The following CTDSPL variants were observed in gnomAD, a reference collection of about 807,000 sequenced individuals.
CTDSPL encodes CTD small phosphatase like.
A neutral mutation model predicts 30.5 loss-of-function variants in CTDSPL; 8 were observed. The ratio of observed to expected loss-of-function variants is 0.26; its 90% CI spans 0.15 to 0.47. The LOEUF (loss-of-function observed/expected upper bound fraction) is 0.47. Among genes scored for constraint, CTDSPL ranks in the 20% least tolerant of loss-of-function variants. The probability of loss-of-function intolerance (pLI) is 0.99; values close to 1 mark genes in which losing one functional copy is unlikely to be tolerated. For synonymous variants in CTDSPL, 110 were observed against 137.9 expected (o/e 0.80, Z 1.42); for missense variants, 248 against 366.1 (o/e 0.68, Z 2.63).
intron 2 of CTDSPL, among the ~76,000 whole-genome samples, chr3:37,948,511 C>T (rs1699068853): frequency 6.6e-6 from 1 of 152,120 alleles, no homozygotes; most frequent in Non-Finnish European, 1.5e-5. Context: ...AGGACACAAA[C>T]AGGTAATTCA....
intron 4 of CTDSPL, among the ~76,000 whole-genome samples, chr3:37,967,356 G>A (rs553437020): frequency 6.6e-6 from 1 of 152,374 alleles, no homozygotes; most frequent in South Asian, 2.1e-4. Flanking sequence ...TTTTGAGTCC[G>A]TGTGGCCATC....
intron 5 of CTDSPL, chr3:37,969,324 G>A (rs1699336739): frequency 2.1e-6 from 1 of 475,588 alleles, no homozygotes; most frequent in Non-Finnish European, 4.4e-6. Context: ...AAGGTCCCAG[G>A]GCTGGGGTCA....
intron 1 of CTDSPL, among the ~76,000 whole-genome samples, chr3:37,932,890 C>T (rs568483495): frequency 6.0e-4 from 91 of 152,290 alleles, no homozygotes; most frequent in African/African-American, 1.8e-3. Flanking sequence ...CAGTGGCTCA[C>T]GCCTGTAATC....
At chr3:37,964,541 AT>A (rs768483176) in intron 3 of CTDSPL, 29 bp from the exon 4 acceptor site, 1 of 1,482,162 alleles carries the variant, frequency 6.7e-7, no homozygotes, top group South Asian at 1.1e-5. Context: ...TTTTACATAA[AT>A]GTAATACTGA....
intron 7 of CTDSPL, among the ~76,000 whole-genome samples, chr3:37,976,623 T>C (rs1575326400): frequency 6.8e-6 from 1 of 147,388 alleles, no homozygotes; most frequent in African/African-American, 2.5e-5. Context: ...AGATGGAGAC[T>C]CCGTCTCAAA....
chr3:37,951,582 G>A (rs1575314520), intron 2 of CTDSPL, among the ~76,000 whole-genome samples: 6 of 152,226 alleles, frequency 3.9e-5, no homozygotes, highest in Admixed American at 3.9e-4. Context: ...TCTGGAGACT[G>A]AAGTGGGAGG....
intron 1 of CTDSPL, among the ~76,000 whole-genome samples, chr3:37,926,595 A>G (rs1698784296): frequency 6.6e-6 from 1 of 152,152 alleles, no homozygotes; most frequent in Non-Finnish European, 1.5e-5. Flanking sequence ...TCATTGCAAA[A>G]CTAATGTGGA....
Position 37,976,495 on chromosome 3 carries a change from G to A in CTDSPL, c.705+601G>A, listed in dbSNP as rs562860302. The stretch of plus-strand genomic sequence containing the variant: ...AAATACAAAAAATTAGCCAGGCGTT[G>A]GTGGCACGCACCTGTAGTCTCAGCT... On this transcript the variant is annotated intron_variant, in intron 7 of 7. Coordinates refer to ENST00000273179, the MANE Select transcript of CTDSPL (RefSeq NM_001008392.2). 2.6e-5 allele frequency among the ~76,000 whole-genome samples: 4 copies of A among 152,076 alleles called. No individual in the cohort carries two copies. In the South Asian group the frequency reaches 8.3e-4, roughly 32 times the overall value.
At position 37,983,210 on chromosome 3, in the gene CTDSPL, C is replaced by T. The variant is rs1699512859; in HGVS notation, c.*2343C>T. On this transcript the variant is annotated 3_prime_UTR_variant, in exon 8 of 8. Coordinates refer to ENST00000273179, the MANE Select transcript of CTDSPL (RefSeq NM_001008392.2). ...CCCTCTGAGGGTTCTGGAATCTGTGCACCTTATTTGACCACACTCCAAAAT... is the reference window on the plus strand; with the variant it reads ...CCCTCTGAGGGTTCTGGAATCTGTGTACCTTATTTGACCACACTCCAAAAT... 6.6e-6 allele frequency: 1 copy of T among 152,354 alleles called. No homozygotes were observed. Among genetic ancestry groups the T allele is most frequent in the South Asian group, 2.1e-4 (1 of 4,838 alleles). 9.4% of individuals were successfully genotyped at this position (152,354 alleles called of 1,614,324 possible).
chr3:37,977,079 T>G (rs904165280), intron 7 of CTDSPL, among the ~76,000 whole-genome samples: 3 of 152,254 alleles, frequency 2.0e-5, no homozygotes, highest in African/African-American at 7.2e-5. Flanking sequence ...GGAATCATTA[T>G]TTGAATAAAT....
At chr3:37,878,706 T>C (rs1223625243) in intron 1 of CTDSPL, among the ~76,000 whole-genome samples, 5 of 152,204 alleles carry the variant, frequency 3.3e-5, no homozygotes, top group African/African-American at 1.2e-4. Flanking sequence ...AAAGGCAAGA[T>C]GTAGGACTTT....
intron 1 of CTDSPL, among the ~76,000 whole-genome samples, chr3:37,905,745 G>T (rs537523097): frequency 6.6e-6 from 1 of 152,356 alleles, no homozygotes; most frequent in Admixed American, 6.5e-5. Flanking sequence ...CATGTCCAAG[G>T]TGTAACACAC....
At chr3:37,881,233 A>T (rs1698200318) in intron 1 of CTDSPL, among the ~76,000 whole-genome samples, 2 of 152,136 alleles carry the variant, frequency 1.3e-5, no homozygotes, top group Admixed American at 1.3e-4. Context: ...GAGATCATAT[A>T]AATACAAAAT....
rs761175340 is a variant in CTDSPL, at chr3:37,963,114, G to C, written c.268-1457G>C. ...TCTCCAAGGCACATCCCCACATCCC[G>C]TCACAGTGCTGCAGGATTAGGGAGG... On this transcript the variant is annotated intron_variant, in intron 3 of 7. Transcript: ENST00000273179. Among the ~76,000 whole-genome samples the C allele has an allele frequency of 2.0e-5, 3 of 152,152 alleles. No individual in the cohort carries two copies. The South Asian group carries it at 6.2e-4, about 31-fold the overall frequency.
chr3:37,945,476 A>G (rs1245990504), intron 1 of CTDSPL, among the ~76,000 whole-genome samples: 2 of 152,230 alleles, frequency 1.3e-5, no homozygotes, highest in African/African-American at 2.4e-5. Flanking sequence ...AGTATGTGAG[A>G]TGAGGTTTGT....
intron 1 of CTDSPL, among the ~76,000 whole-genome samples, chr3:37,863,223 T>C (rs1336010924): frequency 1.3e-5 from 2 of 152,340 alleles, no homozygotes; most frequent in African/African-American, 2.4e-5. Flanking sequence ...TAAAGGGCAC[T>C]TGTGGATCCC....
intron 1 of CTDSPL, among the ~76,000 whole-genome samples, chr3:37,929,000 A>T (rs957214245): frequency 6.6e-6 from 1 of 152,138 alleles, no homozygotes; most frequent in African/African-American, 2.4e-5. Context: ...TTGCATGTGG[A>T]TATCATTTTG....
At chr3:37,921,516 A>G (rs1228445744) in intron 1 of CTDSPL, among the ~76,000 whole-genome samples, 1 of 152,118 alleles carries the variant, frequency 6.6e-6, no homozygotes, top group African/African-American at 2.4e-5. Context: ...GAGGACAGGA[A>G]CAGTTCCTTT....
In CTDSPL at chr3:37,947,089, A is replaced by T; in HGVS notation, c.112A>T (p.Arg38Trp). 1 of 1,613,924 alleles carries T rather than the reference A, an allele frequency of 6.2e-7. No homozygotes were observed. The highest frequency in any genetic ancestry group is 8.5e-7 in the Non-Finnish European group (1 of 1,179,970). The change falls in exon 2 of 8, where the codon AGG becomes TGG. Residue 38 changes from arginine (R) to tryptophan (W), a missense_variant. Coordinates refer to ENST00000273179, the MANE Select transcript of CTDSPL (RefSeq NM_001008392.2). ...SQCNVSLKKQ[R>W]SRSILSSFFC... Reference sequence around the variant, plus strand: ...GTGCAACGTCAGCTTAAAGAAGCAGAGGAGCCGCAGCATCCTTAGCTCCTT... The same window carrying T: ...GTGCAACGTCAGCTTAAAGAAGCAGTGGAGCCGCAGCATCCTTAGCTCCTT...
Sources: gnomAD v4.1 joint callset for allele counts (sites outside exome capture counted in the v4.1 genomes callset) on GRCh38, gnomAD v4.1.1 for gene constraint, MANE v1.5 for transcripts, NCBI Gene and HGNC (gene_info 2026-07-23, HGNC 2026-07-21) for gene names.